ACTN1: variants seen among roughly 807,000 people sequenced by gnomAD.
The protein encoded by ACTN1 is actinin alpha 1, also known as alpha-actinin-1.
Under a neutral mutation model 119.6 loss-of-function variants are expected in ACTN1, and 30 were observed. The ratio of observed to expected loss-of-function variants is 0.25; its 90% CI spans 0.19 to 0.34. The LOEUF is 0.34. Among genes scored for constraint, ACTN1 ranks in the 10% least tolerant of loss-of-function variants. The probability of loss-of-function intolerance (pLI) is 1.00; values close to 1 mark genes in which losing one functional copy is unlikely to be tolerated. For missense variants in ACTN1, 764 were observed against 1,223.4 expected (o/e 0.62, Z 5.60); for synonymous variants, 429 against 472.6 (o/e 0.91, Z 1.20).
intron 1 of ACTN1, among the ~76,000 whole-genome samples, chr14:68,944,822 A>G (rs2035882756): frequency 6.6e-6 from 1 of 152,138 alleles, no homozygotes; most frequent in African/African-American, 2.4e-5. Context: ...TTACACCAGC[A>G]TAACAGGTAT....
intron 1 of ACTN1, chr14:68,937,005 C>A (rs1484435060): frequency 9.6e-6 from 3 of 312,208 alleles, no homozygotes; most frequent in African/African-American, 6.7e-5. Flanking sequence ...TGAGAGTTTT[C>A]TCCCCTAACC....
At chr14:68,910,659 C>G (rs1004045749) in intron 4 of ACTN1, among the ~76,000 whole-genome samples, 5 of 152,034 alleles carry the variant, frequency 3.3e-5, no homozygotes, top group African/African-American at 1.2e-4. Context: ...ACACTACCCC[C>G]CTGCTAGGTT....
rs753725900 is a variant in ACTN1 at position 68,932,513 on chromosome 14, C to CTTTT, written c.106-6845_106-6842dup. ...AGAGAACCCTGACTAATACACCCAG[C>CTTTT]TTTTTTTTTTTTTTTTTTTTTTTTT... On this transcript the variant is annotated intron_variant, in intron 1 of 21. Coordinates refer to ENST00000394419, the MANE Select transcript of ACTN1 (RefSeq NM_001130004.2). Among the ~76,000 whole-genome samples the CTTTT allele has an allele frequency of 4.4e-3, 386 of 87,170 alleles. 6 individuals carry two copies. In the East Asian group the frequency reaches 0.081, roughly 18 times the overall value. The allele number at this position is 87,170 out of a possible 152,430, so 57.2% of individuals were successfully genotyped here.
At position 68,902,557 on chromosome 14, in the gene ACTN1, C is replaced by G. The variant is rs151249499; in HGVS notation, c.682G>C (p.Val228Leu). ...IPKMLDAEDI[V>L]GTARPDEKAI... ...TTCTCATCCGGTCGGGCAGTTCCAA[C>G]GATGTCTGTCAAGAAAAATCTGGAG... The change falls in exon 8 of 22, where the codon GTT (valine) becomes CTT (leucine). Residue 228 changes from valine to leucine, a missense_variant. Physicochemically the swap from Val to Leu is conservative, Grantham distance 32. Coordinates refer to ENST00000394419, the MANE Select transcript of ACTN1 (RefSeq NM_001130004.2). 1 of 1,613,376 alleles carries G rather than the reference C, an allele frequency of 6.2e-7. No individual in the cohort carries two copies. Among genetic ancestry groups the G allele is most frequent in the Non-Finnish European group, 8.5e-7 (1 of 1,179,636 alleles).
intron 21 of ACTN1, 177 bp from the exon 22 acceptor site, chr14:68,875,194 C>T (rs1288374196): frequency 6.5e-5 from 95 of 1,466,808 alleles, no homozygotes; most frequent in East Asian, 1.3e-4. Context: ...ATACCGCATA[C>T]ACAACATGTA....
Position 68,882,327 on chromosome 14 carries a change from A to T in ACTN1, c.1953+131T>A. On this transcript the variant is annotated intron_variant, in intron 16 of 21. Transcript: ENST00000394419. This position sits in a 1 kb window ranked among gnomAD's most constrained non-coding sequence, Gnocchi z 4.5. ...CCCCCATAGCCTTCTACAGAACAGC[A>T]GACCCACGGTGGGCTCCGGGCCTCA... 1 of 1,273,198 alleles carries T rather than the reference A, an allele frequency of 7.9e-7. No homozygotes were observed. The highest frequency in any genetic ancestry group is 1.1e-6 in the Non-Finnish European group (1 of 920,802). 78.9% of individuals were successfully genotyped at this position (1,273,198 alleles called of 1,614,324 possible). A position where few individuals can be genotyped will look rare whatever the true frequency, so the allele number is the denominator to read the frequency against.
Position 68,884,772 on chromosome 14 carries a change from C to T in ACTN1, c.1494+3G>A, listed in dbSNP as rs1425155062. ...GCCTAGATCTCCCTCTGGGACCTCTCACCTCCAGAGCTTCCCTTCGCTTCT... is the reference window on the plus strand; with the variant it reads ...GCCTAGATCTCCCTCTGGGACCTCTTACCTCCAGAGCTTCCCTTCGCTTCT... On this transcript the variant is annotated splice_donor_region_variant and intron_variant, in intron 13 of 21. Coordinates refer to ENST00000394419, the MANE Select transcript of ACTN1 (RefSeq NM_001130004.2). The T allele has an allele frequency of 1.2e-6, 2 of 1,609,912 alleles. No individual in the cohort carries two copies. Among genetic ancestry groups the T allele is most frequent in the East Asian group, 2.2e-5 (1 of 44,872 alleles).
chr14:68,947,221 C>G (rs1046079137), intron 1 of ACTN1: 1 of 152,210 alleles, frequency 6.6e-6, no homozygotes, highest in Non-Finnish European at 1.5e-5. Flanking sequence ...ATCCTATAAT[C>G]AGGCAAGTTT....
At chr14:68,963,222 G>A (rs931624094) in intron 1 of ACTN1, among the ~76,000 whole-genome samples, 1 of 152,102 alleles carries the variant, frequency 6.6e-6, no homozygotes, top group Non-Finnish European at 1.5e-5. Context: ...TCCAGGATGG[G>A]CTGGAGCCTT....
At chr14:68,884,016 A>T (rs111305352) in intron 14 of ACTN1, 152 bp downstream of exon 14, 7 of 829,134 alleles carry the variant, frequency 8.4e-6, no homozygotes, top group Middle Eastern at 3.7e-4. Flanking sequence ...CACATATATT[A>T]TCTTGTCAAA....
intron 4 of ACTN1, among the ~76,000 whole-genome samples, chr14:68,911,885 G>A (rs1464350461): frequency 6.6e-6 from 1 of 152,194 alleles, no homozygotes; most frequent in Non-Finnish European, 1.5e-5. Flanking sequence ...AGAGCCAGGT[G>A]GGTTTTCCAA....
intron 1 of ACTN1, among the ~76,000 whole-genome samples, chr14:68,943,344 A>T (rs571659836): frequency 3.3e-5 from 5 of 152,232 alleles, no homozygotes; most frequent in Non-Finnish European, 7.3e-5. Flanking sequence ...TGAGAAGCCC[A>T]GGGACCTCTG....
chr14:68,884,356 C>A, intron 13 of ACTN1, 48 bp from the exon 14 acceptor site: 1 of 1,576,032 alleles, frequency 6.3e-7, no homozygotes, highest in South Asian at 1.2e-5. Flanking sequence ...TGTCCAGAAT[C>A]ATCCCCCACT....
At chr14:68,881,032 T>C (rs1470029266) in intron 16 of ACTN1, 43 bp from the exon 17 acceptor site, 11 of 1,603,708 alleles carry the variant, frequency 6.9e-6, no homozygotes, top group Non-Finnish European at 8.5e-6. Context: ...CACCTCACTC[T>C]GCTCCCATAG....
At chr14:68,896,071 A>T (rs1191307313) in intron 8 of ACTN1, among the ~76,000 whole-genome samples, 1 of 152,136 alleles carries the variant, frequency 6.6e-6, no homozygotes, top group Non-Finnish European at 1.5e-5. Flanking sequence ...AATAACACAC[A>T]AGTACCACGG....
intron 21 of ACTN1, chr14:68,875,268 T>G: frequency 1.0e-6 from 1 of 971,480 alleles, no homozygotes; most frequent in Non-Finnish European, 1.5e-6. Flanking sequence ...TCCAATCTAA[T>G]TCCATGTGCC....
At chr14:68,971,291 C>G (rs575481179) in intron 1 of ACTN1, among the ~76,000 whole-genome samples, 27 of 152,144 alleles carry the variant, frequency 1.8e-4, no homozygotes, top group Non-Finnish European at 3.4e-4. Flanking sequence ...GTGAACTATT[C>G]GTCTTTGTAC....
intron 1 of ACTN1, chr14:68,936,746 G>A (rs955583221): frequency 3.4e-5 from 21 of 625,560 alleles, no homozygotes; most frequent in Admixed American, 3.1e-4. Flanking sequence ...GCCAGTTTCT[G>A]GTGCTGAAGA....
At chr14:68,892,711 T>C (rs1025428902) in intron 9 of ACTN1, among the ~76,000 whole-genome samples, 1 of 152,060 alleles carries the variant, frequency 6.6e-6, no homozygotes, top group Non-Finnish European at 1.5e-5. Context: ...TTCCTAAGAA[T>C]CTAGAATGTG....
Sources: gnomAD v4.1 joint callset for allele counts (sites outside exome capture counted in the v4.1 genomes callset) on GRCh38, gnomAD v4.1.1 for gene constraint, Gnocchi (gnomAD v3.1) non-coding constraint, MANE v1.5 for transcripts, NCBI Gene and HGNC (gene_info 2026-07-23, HGNC 2026-07-21) for gene names.